The following CNKSR2 variants were observed in gnomAD, a reference collection of about 807,000 sequenced individuals.
CNKSR2 encodes CNK homolog protein 2.
CNKSR2 carries 14 observed loss-of-function variants against 84.4 expected under a neutral mutation model. The ratio of observed to expected loss-of-function variants is 0.17; its 90% confidence interval spans 0.11 to 0.26. The LOEUF is 0.26. CNKSR2 is among the 10% of genes least tolerant of loss of function. CNKSR2 has a pLI of 1.00. For missense variants in CNKSR2, 485 were observed against 771.2 expected (o/e 0.63, Z 4.40); for synonymous variants, 275 against 277.9 (o/e 0.99, Z 0.10).
intron 20 of CNKSR2, among the ~76,000 whole-genome samples, chrX:21,639,324 C>T (rs760545834): frequency 4.9e-4 from 55 of 111,538 alleles, no homozygotes; most frequent in Non-Finnish European, 9.0e-4. Flanking sequence ...CTAGATTATA[C>T]GGGCAGCCCT....
rs976009967 is a variant in CNKSR2 at position 21,486,234 on chromosome X, C to G, written c.562-4225C>G. Among the ~76,000 whole-genome samples the G allele has an allele frequency of 3.6e-5, 4 of 112,326 alleles. No individual in the cohort carries two copies. The Admixed American group carries it at 3.8e-4, about 11-fold the overall frequency. On this transcript the variant is annotated intron_variant, in intron 5 of 21. Coordinates refer to ENST00000379510, the MANE Select transcript of CNKSR2 (RefSeq NM_014927.5). ...TAGCTAGTATAGAGTTGTCCTTTTG[C>G]TGGTAAAATTGCTCTAAGTTTTCCC...
At chrX:21,460,470 G>T (rs965587680) in intron 4 of CNKSR2, among the ~76,000 whole-genome samples, 1 of 111,514 alleles carries the variant, frequency 9.0e-6, no homozygotes, top group Admixed American at 9.5e-5. Flanking sequence ...TTTGATGCAG[G>T]CATGCAATGT....
At chrX:21,474,806 C>A (rs1004539509) in intron 5 of CNKSR2, among the ~76,000 whole-genome samples, 4 of 111,722 alleles carry the variant, frequency 3.6e-5, no homozygotes, top group African/African-American at 1.3e-4. Flanking sequence ...GCATAACTCA[C>A]AAAAGCAAGC....
intron 2 of CNKSR2, chrX:21,428,471 A>AT (rs2090593246): frequency 8.9e-6 from 1 of 112,009 alleles, no homozygotes; most frequent in African/African-American, 3.2e-5. Flanking sequence ...TGCAACATAT[A>AT]TTTATTAAGC....
At chrX:21,540,821 A>C (rs1268341632) in intron 11 of CNKSR2, among the ~76,000 whole-genome samples, 1 of 112,297 alleles carries the variant, frequency 8.9e-6, no homozygotes, top group African/African-American at 3.2e-5. Flanking sequence ...GATATGACAC[A>C]GTTCTTCATA....
chrX:21,482,233 A>G (rs57455066), intron 5 of CNKSR2, among the ~76,000 whole-genome samples: 7,735 of 112,162 alleles, frequency 0.069, 679 homozygotes, highest in African/African-American at 0.24. Context: ...AAGGTACTAT[A>G]TTGCCTCCTA....
At chrX:21,552,094 C>G (rs1343212807) in intron 11 of CNKSR2, among the ~76,000 whole-genome samples, 1 of 103,638 alleles carries the variant, frequency 9.6e-6, no homozygotes, top group Non-Finnish European at 2.0e-5. Flanking sequence ...CATTTTCCCC[C>G]ATGAGAAAAA....
chrX:21,545,640 A>G (rs1233658904), intron 11 of CNKSR2, among the ~76,000 whole-genome samples: 1 of 112,367 alleles, frequency 8.9e-6, no homozygotes, highest in Non-Finnish European at 1.9e-5. Context: ...ACCTCCCAGC[A>G]GGGGTTGACA....
intron 1 of CNKSR2, among the ~76,000 whole-genome samples, chrX:21,418,702 G>C (rs1157324456): frequency 3.6e-5 from 4 of 111,074 alleles, no homozygotes; most frequent in Admixed American, 2.9e-4. Flanking sequence ...GTGTTCTCTT[G>C]TTGCTTTGAG....
At chrX:21,414,664 A>G (rs1034061036) in intron 1 of CNKSR2, among the ~76,000 whole-genome samples, 6 of 111,814 alleles carry the variant, frequency 5.4e-5, no homozygotes, top group African/African-American at 1.6e-4. Flanking sequence ...AGCTTCTGCA[A>G]TGTTTTCTGG....
chrX:21,643,872 A>G (rs1469290205), intron 20 of CNKSR2: 3 of 111,423 alleles, frequency 2.7e-5, no homozygotes, highest in African/African-American at 6.5e-5. Context: ...ACTTACATAA[A>G]AGCATGAATT....
intron 4 of CNKSR2, among the ~76,000 whole-genome samples, chrX:21,445,411 T>A (rs746221049): frequency 1.8e-5 from 2 of 111,398 alleles, no homozygotes; most frequent in South Asian, 7.5e-4. Context: ...AGTTAGCATA[T>A]CCGTCATCTC....
chrX:21,510,267 C>G (rs2091658448), intron 8 of CNKSR2, among the ~76,000 whole-genome samples: 1 of 110,699 alleles, frequency 9.0e-6, no homozygotes, highest in Non-Finnish European at 1.9e-5. Context: ...AGGGTAATAA[C>G]TTTGAAAATA....
intron 15 of CNKSR2, chrX:21,592,268 C>T (rs2092425575): frequency 9.0e-6 from 1 of 111,399 alleles, no homozygotes; most frequent in African/African-American, 3.3e-5. Context: ...CAATGCCTGG[C>T]ACATACTGAG....
intron 9 of CNKSR2, among the ~76,000 whole-genome samples, chrX:21,519,298 A>T (rs1471757602): frequency 9.0e-6 from 1 of 111,239 alleles, no homozygotes; most frequent in African/African-American, 3.3e-5. Context: ...AGATGGACAA[A>T]ATCTCAAGGT....
At chrX:21,625,785 T>C (rs1432772479) in intron 20 of CNKSR2, among the ~76,000 whole-genome samples, 1 of 112,202 alleles carries the variant, frequency 8.9e-6, no homozygotes, top group Non-Finnish European at 1.9e-5. Flanking sequence ...CCAAAAACTT[T>C]AAGTAGATCT....
intron 5 of CNKSR2, among the ~76,000 whole-genome samples, chrX:21,483,917 T>C (rs909799170): frequency 4.5e-5 from 5 of 111,825 alleles, no homozygotes; most frequent in African/African-American, 1.6e-4. Context: ...CCCAGTACAA[T>C]GCACATGTCA....
Position 21,626,764 on chromosome X carries a change from T to G in CNKSR2, c.2692+17147T>G, listed in dbSNP as rs1281505209. On this transcript the variant is annotated intron_variant, in intron 20 of 21. Coordinates refer to ENST00000379510, the MANE Select transcript of CNKSR2 (RefSeq NM_014927.5). ...TTAGAATGGTGACAATCAGTGTGCA[T>G]ATACAGTTTTTTCTAGCAATGCCCA... 1.8e-5 allele frequency among the ~76,000 whole-genome samples: 2 copies of G among 112,254 alleles called. 1 individual carries two copies. The highest frequency in any genetic ancestry group is 5.6e-4 in the East Asian group (2 of 3,576).
intron 18 of CNKSR2, among the ~76,000 whole-genome samples, chrX:21,602,555 G>A (rs1479769120): frequency 9.0e-6 from 1 of 111,595 alleles, no homozygotes; most frequent in Admixed American, 9.5e-5. Context: ...AAATGTTTAG[G>A]CACAGATTAG....
Sources: gnomAD v4.1 joint callset for allele counts (sites outside exome capture counted in the v4.1 genomes callset) on GRCh38, gnomAD v4.1.1 for gene constraint, MANE v1.5 for transcripts, NCBI Gene and HGNC (gene_info 2026-07-23, HGNC 2026-07-21) for gene names.